ARHGEF11: variants seen among roughly 807,000 people sequenced by gnomAD.
The protein encoded by ARHGEF11 is Rho guanine nucleotide exchange factor 11, also known as Rho guanine exchange factor (GEF) 11.
A neutral mutation model predicts 193.7 loss-of-function variants in ARHGEF11; 55 were observed. The observed-to-expected ratio is 0.28, with a 90% CI of 0.23 to 0.36. ARHGEF11 has a LOEUF of 0.36. Among genes scored for constraint, ARHGEF11 ranks in the 10% least tolerant of loss-of-function variants. The probability of loss-of-function intolerance (pLI) is 1.00; values close to 1 mark genes in which losing one functional copy is unlikely to be tolerated. For synonymous variants in ARHGEF11, 693 were observed against 768.0 expected (o/e 0.90, Z 1.62); for missense variants, 1,723 against 2,005.6 (o/e 0.86, Z 2.69).
chr1:156,986,917 C>T (rs189854643), intron 1 of ARHGEF11, among the ~76,000 whole-genome samples: 110 of 152,284 alleles, frequency 7.2e-4, no homozygotes, highest in African/African-American at 2.4e-3. Flanking sequence ...GTCTGTTTGG[C>T]GGTAGTATTC....
In ARHGEF11 at chr1:156,948,301, C is replaced by T. The variant is rs752102805; in HGVS notation, c.2105+18G>A. The T allele has an allele frequency of 9.9e-6, 16 of 1,612,508 alleles. No homozygotes were observed. The highest frequency in any genetic ancestry group is 2.7e-5 in the African/African-American group (2 of 74,904). Reference sequence around the variant, plus strand: ...CCCCTGAGATGTCCATGGGTGCAGCCGTTGTAGCCCTGCCCACCTGGTGGA... The same window carrying T: ...CCCCTGAGATGTCCATGGGTGCAGCTGTTGTAGCCCTGCCCACCTGGTGGA... On this transcript the variant is annotated intron_variant, in intron 23 of 40. Coordinates refer to ENST00000368194, the MANE Select transcript of ARHGEF11 (RefSeq NM_198236.3). The surrounding 1 kb of genome is among the most constrained non-coding windows in gnomAD (Gnocchi z 4.2).
intron 7 of ARHGEF11, among the ~76,000 whole-genome samples, chr1:156,973,203 T>C (rs987741512): frequency 2.0e-5 from 3 of 152,208 alleles, no homozygotes; most frequent in Non-Finnish European, 4.4e-5. Context: ...GCTGGGACTA[T>C]AGGCATGAGC....
intron 2 of ARHGEF11, among the ~76,000 whole-genome samples, chr1:156,985,117 T>A (rs747581196): frequency 6.6e-6 from 1 of 152,076 alleles, no homozygotes; most frequent in South Asian, 2.1e-4. Flanking sequence ...ACATCGTACA[T>A]GTGTATGAGT....
In ARHGEF11 at chr1:156,987,814, G is replaced by A. The variant is rs528987874; in HGVS notation, c.33-1641C>T. Among the ~76,000 whole-genome samples, 7 of 152,216 alleles carry A rather than the reference G, an allele frequency of 4.6e-5. No homozygotes were observed. In the East Asian group the frequency reaches 1.4e-3, roughly 29 times the overall value. ...CCCAGGAGAGAGCAACGCAGGACAG[G>A]AGGAAGAAAGAGAAAGAAAAACAAA... On this transcript the variant is annotated intron_variant, in intron 1 of 40. Transcript: ENST00000368194.
intron 26 of ARHGEF11, 126 bp from the exon 27 acceptor site, chr1:156,947,141 CG>C: frequency 6.8e-7 from 1 of 1,459,990 alleles, no homozygotes; most frequent in South Asian, 1.2e-5. Context: ...ATTGTACTTT[CG>C]GGGTGAACTC....
chr1:156,951,370 G>A (rs73008709), intron 22 of ARHGEF11, among the ~76,000 whole-genome samples: 3,361 of 151,748 alleles, frequency 0.022, 103 homozygotes, highest in African/African-American at 0.07. Context: ...GCTGGAAGTC[G>A]GGGATCTGCT....
intron 1 of ARHGEF11, among the ~76,000 whole-genome samples, chr1:157,036,717 T>C (rs964894543): frequency 4.6e-5 from 7 of 152,230 alleles, no homozygotes; most frequent in African/African-American, 1.7e-4. Context: ...GTATCCACTG[T>C]ATTCAGTAAA....
At chr1:156,980,182 A>G (rs1052820276) in intron 4 of ARHGEF11, among the ~76,000 whole-genome samples, 2 of 152,246 alleles carry the variant, frequency 1.3e-5, no homozygotes, top group South Asian at 4.1e-4. Flanking sequence ...TTGTGAAATA[A>G]GAATAATAAA....
intron 7 of ARHGEF11, among the ~76,000 whole-genome samples, chr1:156,976,309 C>G (rs1663248483): frequency 6.6e-6 from 1 of 152,090 alleles, no homozygotes; most frequent in Non-Finnish European, 1.5e-5. Context: ...CTGTGAAGTG[C>G]TTCCCCATAT....
chr1:156,984,230 G>C, intron 3 of ARHGEF11, 109 bp downstream of exon 3: 1 of 881,596 alleles, frequency 1.1e-6, no homozygotes, highest in South Asian at 1.7e-5. Flanking sequence ...ACCAGTTCTA[G>C]AGTAATTCAT....
At chr1:156,947,631 C>G in intron 25 of ARHGEF11, 138 bp downstream of exon 25, 1 of 1,343,144 alleles carries the variant, frequency 7.4e-7, no homozygotes, top group East Asian at 2.5e-5. Context: ...AACCTTATAG[C>G]AACAGGCAAT....
At chr1:156,963,435 C>T in intron 12 of ARHGEF11, 85 bp downstream of exon 12, 1 of 1,525,010 alleles carries the variant, frequency 6.6e-7, no homozygotes, top group Non-Finnish European at 9.1e-7. Flanking sequence ...CCCTTCACAG[C>T]TGATGCTAGT....
chr1:156,960,532 G>C, intron 14 of ARHGEF11, 72 bp from the exon 15 acceptor site: 1 of 1,472,398 alleles, frequency 6.8e-7, no homozygotes, highest in Non-Finnish European at 9.5e-7. Flanking sequence ...TGTGCAAGGC[G>C]AGGAGGGCTT....
At chr1:157,011,127 A>G (rs990839347) in intron 1 of ARHGEF11, among the ~76,000 whole-genome samples, 3 of 152,236 alleles carry the variant, frequency 2.0e-5, no homozygotes, top group Non-Finnish European at 4.4e-5. Flanking sequence ...TCAGTATGCG[A>G]CTGGCATAAG....
At chr1:156,968,185 TC>T in intron 10 of ARHGEF11, 61 bp from the exon 11 acceptor site, 1 of 1,551,884 alleles carries the variant, frequency 6.4e-7, no homozygotes, top group Non-Finnish European at 8.7e-7. Flanking sequence ...AAGGCTCAGC[TC>T]ATTTGGTGTT....
intron 1 of ARHGEF11, among the ~76,000 whole-genome samples, chr1:157,028,255 G>A (rs2102978928): frequency 6.6e-6 from 1 of 152,298 alleles, no homozygotes; most frequent in South Asian, 2.1e-4. Flanking sequence ...TTGTTAATTG[G>A]AGACTATAAG....
At chr1:156,963,639 C>A in intron 11 of ARHGEF11, 45 bp from the exon 12 acceptor site, 1 of 1,598,994 alleles carries the variant, frequency 6.3e-7, no homozygotes, top group Non-Finnish European at 8.5e-7. Flanking sequence ...TTATAGAGGA[C>A]AGAGGATTCA....
At chr1:156,971,958 T>C in intron 7 of ARHGEF11, 142 bp from the exon 8 acceptor site, 5 of 978,686 alleles carry the variant, frequency 5.1e-6, no homozygotes, top group Non-Finnish European at 7.3e-6. Flanking sequence ...TCCAAGTAGA[T>C]GCACGGTATT....
intron 1 of ARHGEF11, among the ~76,000 whole-genome samples, chr1:156,987,757 GAGA>G (rs756540504): frequency 4.0e-4 from 61 of 152,262 alleles, no homozygotes; most frequent in Non-Finnish European, 5.4e-4. Flanking sequence ...GGATCAGAGA[GAGA>G]AGGACATCAA....
Sources: allele counts gnomAD v4.1 joint callset (sites outside exome capture counted in the v4.1 genomes callset), GRCh38; gene constraint gnomAD v4.1.1; non-coding constraint Gnocchi (gnomAD v3.1); transcripts MANE v1.5; gene names NCBI Gene and HGNC (gene_info 2026-07-23, HGNC 2026-07-21).